Variants in CCDC180 observed in about 807,000 individuals in gnomAD.
CCDC180 encodes coiled-coil domain containing 180, also known as coiled-coil domain-containing protein 180.
Under a neutral mutation model 209.2 loss-of-function variants are expected in CCDC180, and 154 were observed. The ratio of observed to expected loss-of-function variants is 0.74; its 90% CI spans 0.65 to 0.84. The LOEUF is 0.84. CCDC180 is among the 40% of genes least tolerant of loss of function. CCDC180 has a pLI of 0.00. For synonymous variants in CCDC180, 778 were observed against 749.1 expected, an observed-to-expected ratio of 1.04 and a Z score of -0.63; for missense variants, 1,874 against 1,997.3, an observed-to-expected ratio of 0.94 and a Z score of 1.18.
At position 97,308,044 on chromosome 9, in the gene CCDC180, G is replaced by T. The variant is rs1413602408; in HGVS notation, c.-20G>T. 6.2e-7 allele frequency: 1 copy of T among 1,613,216 alleles called. No homozygotes were observed. Among genetic ancestry groups the T allele is most frequent in the Admixed American group, 1.7e-5 (1 of 59,778 alleles). On this transcript the variant is annotated 5_prime_UTR_variant, in exon 2 of 37. Transcript: ENST00000529487. ...CCTGGACGACGGCTTCCCGGCAGGG[G>T]CATCCAGCCAGCGGCCAAGATGTCG...
At chr9:97,357,594 A>G (rs911224907) in intron 24 of CCDC180, 33 bp from the exon 25 acceptor site, 7 of 1,431,396 alleles carry the variant, frequency 4.9e-6, no homozygotes, top group Non-Finnish European at 6.9e-6. Flanking sequence ...TATGTATTCT[A>G]GAAACAAAAT....
chr9:97,309,468 G>C lies in CCDC180; in HGVS notation c.124G>C (p.Val42Leu). The C allele has an allele frequency of 6.2e-7, 1 of 1,607,052 alleles. No homozygotes were observed. The highest frequency in any genetic ancestry group is 8.5e-7 in the Non-Finnish European group (1 of 1,176,876). ...ATRKRAAERS[V>L]TLKSGRIPMM... ...CAGGAAGCGGGCTGCAGAGCGTTCT[G>C]TGACCCTGAAGAGTGGCAGGATACC... is the stretch of plus-strand genomic sequence containing the variant. Residue 42 changes from valine to leucine, a missense_variant, in exon 3 of 37, where the codon GTG becomes CTG. Transcript: ENST00000529487.
At chr9:97,360,841 C>G (rs1350277191) in intron 26 of CCDC180, among the ~76,000 whole-genome samples, 5 of 152,200 alleles carry the variant, frequency 3.3e-5, no homozygotes, top group Admixed American at 2.6e-4. Context: ...CCACCCCTGC[C>G]CACACCTCAC....
chr9:97,347,626 A>G (rs1452013488), intron 20 of CCDC180, 137 bp downstream of exon 20: 1 of 834,850 alleles, frequency 1.2e-6, no homozygotes, highest in South Asian at 1.9e-5. Flanking sequence ...ACCATGGAAG[A>G]TGTACATGAG....
intron 18 of CCDC180, 103 bp downstream of exon 18, chr9:97,330,870 A>G (rs1825721453): frequency 9.2e-7 from 1 of 1,090,720 alleles, no homozygotes; most frequent in Non-Finnish European, 1.3e-6. Context: ...CCCAGTCTCC[A>G]TAGAGGTGCA....
chr9:97,376,870 C>T lies in CCDC180; in HGVS notation c.4950C>T (p.His1650=). ...RWKDSWKQSL[H]TIQGLYV is the part of the protein sequence containing the mutation. ...AGGACAGCTGGAAGCAGTCCCTGCA[C>T]ACTATCCAAGGCCTGTATGTGTGAC... is the stretch of plus-strand genomic sequence containing the variant. Residue 1650 remains histidine, a synonymous_variant, in exon 37 of 37, where the codon CAC becomes CAT. Coordinates refer to ENST00000529487, the MANE Select transcript of CCDC180 (RefSeq NM_020893.6). 6.2e-7 allele frequency: 1 copy of T among 1,612,694 alleles called. No homozygotes were observed. The highest frequency in any genetic ancestry group is 8.5e-7 in the Non-Finnish European group (1 of 1,179,906).
intron 32 of CCDC180, 67 bp from the exon 33 acceptor site, chr9:97,370,574 G>A: frequency 6.4e-7 from 1 of 1,560,642 alleles, no homozygotes; most frequent in Non-Finnish European, 8.7e-7. Context: ...ATAATTGACA[G>A]AAGACACAGG....
At chr9:97,362,486 C>T in intron 28 of CCDC180, 45 bp downstream of exon 28, 2 of 1,592,530 alleles carry the variant, frequency 1.3e-6, no homozygotes, top group African/African-American at 2.7e-5. Context: ...AGTCCATCCC[C>T]CCACACAAAG....
chr9:97,319,482 C>T (rs1380160878), intron 10 of CCDC180, among the ~76,000 whole-genome samples: 1 of 152,158 alleles, frequency 6.6e-6, no homozygotes, highest in Non-Finnish European at 1.5e-5. Flanking sequence ...CCTCTCCCTC[C>T]TTCCACCCTC....
At chr9:97,343,267 A>G (rs1826140706) in intron 18 of CCDC180, 73 bp from the exon 19 acceptor site, 1 of 1,027,000 alleles carries the variant, frequency 9.7e-7, no homozygotes, top group Non-Finnish European at 1.5e-6. Context: ...CTCTGATATC[A>G]AGGAACCTGT....
Position 97,362,254 on chromosome 9 carries a change from A to G in CCDC180, c.3715A>G (p.Arg1239Gly), listed in dbSNP as rs1468547406. The G allele has an allele frequency of 6.2e-7, 1 of 1,614,166 alleles. No homozygotes were observed. Among genetic ancestry groups the G allele is most frequent in the South Asian group, 1.1e-5 (1 of 91,080 alleles). The change falls in exon 28 of 37, where the codon AGA (arginine) becomes GGA (glycine). Residue 1239 changes from arginine (R) to glycine (G), a missense_variant. Coordinates refer to ENST00000529487, the MANE Select transcript of CCDC180 (RefSeq NM_020893.6). ...HCDKDPSQTGRGAWACGSRGS... is the reference protein window; with the variant it reads ...HCDKDPSQTGGGAWACGSRGS... ...TGACAAAGATCCGTCCCAGACAGGT[A>G]GAGGCGCATGGGCCTGTGGGTCTCG...
chr9:97,358,928 T>A (rs1158385314), intron 25 of CCDC180, among the ~76,000 whole-genome samples: 1 of 152,250 alleles, frequency 6.6e-6, no homozygotes, highest in Non-Finnish European at 1.5e-5. Flanking sequence ...CTTTTTCTTA[T>A]ATAGTTTATT....
At chr9:97,364,546 C>A (rs965695023) in intron 29 of CCDC180, 1 of 193,558 alleles carries the variant, frequency 5.2e-6, no homozygotes, top group Non-Finnish European at 1.0e-5. Flanking sequence ...AAAAAGCCTT[C>A]GGAGAAAGTC....
rs1587791196 is a variant in CCDC180 at position 97,322,923 on chromosome 9, T to C, written c.1248+2T>C. On this transcript the variant is annotated splice_donor_variant, in intron 12 of 36. Coordinates refer to ENST00000529487, the MANE Select transcript of CCDC180 (RefSeq NM_020893.6). LOFTEE classifies it high-confidence loss of function. ...CTGATGCATGTGCAGAATTGTAAGG[T>C]GGGCACCCTTCCTGCAGGCCTGAGA... 6.2e-7 allele frequency: 1 copy of C among 1,613,120 alleles called. No individual in the cohort carries two copies. The highest frequency in any genetic ancestry group is 1.3e-5 in the African/African-American group (1 of 74,892).
Position 97,308,119 on chromosome 9 carries a change from T to C in CCDC180, c.56T>C (p.Ile19Thr). 5.0e-6 allele frequency: 8 copies of C among 1,605,760 alleles called. No homozygotes were observed. The highest frequency in any genetic ancestry group is 6.8e-6 in the Non-Finnish European group (8 of 1,176,116). ...QVPNGKAYQQ[I>T]FQAEVQLVHS... ...CCGAATGGGAAAGCCTACCAGCAGATCTTCCAGGCTGAGGTAGGAGCCGCC... is the reference window on the plus strand; with the variant it reads ...CCGAATGGGAAAGCCTACCAGCAGACCTTCCAGGCTGAGGTAGGAGCCGCC... The change falls in exon 2 of 37, where the codon ATC (isoleucine) becomes ACC (threonine). Residue 19 changes from isoleucine to threonine, a missense_variant. Transcript: ENST00000529487.
At chr9:97,325,587 T>C (rs1833506141) in intron 14 of CCDC180, among the ~76,000 whole-genome samples, 1 of 152,178 alleles carries the variant, frequency 6.6e-6, no homozygotes, top group Non-Finnish European at 1.5e-5. Flanking sequence ...TGCAAAGCTA[T>C]TAAAGTCTAG....
rs1293340868 is a variant in CCDC180, at chr9:97,328,120, T to C, written c.1762T>C (p.Phe588Leu). ...CTACAGCTCTGCCCTCAGCCAATAC[T>C]TCTTTGTGCGTGAAATCTTTGAACA... is the stretch of plus-strand genomic sequence containing the variant. ...NSYSSALSQY[F>L]FVREIFEQNL... The change falls in exon 16 of 37, where the codon TTC (phenylalanine) becomes CTC (leucine). Residue 588 changes from phenylalanine (F) to leucine (L), a missense_variant. Physicochemically the swap from Phe to Leu is conservative, Grantham distance 22. Coordinates refer to ENST00000529487, the MANE Select transcript of CCDC180 (RefSeq NM_020893.6). The C allele has an allele frequency of 6.2e-7, 1 of 1,614,032 alleles. No homozygotes were observed. Among genetic ancestry groups the C allele is most frequent in the Admixed American group, 1.7e-5 (1 of 60,014 alleles).
chr9:97,323,001 C>A, intron 12 of CCDC180, 80 bp downstream of exon 12: 1 of 1,045,584 alleles, frequency 9.6e-7, no homozygotes. Context: ...ATACCCACTG[C>A]CTTCCCCTCC....
At chr9:97,336,643 C>G (rs1825911884) in intron 18 of CCDC180, among the ~76,000 whole-genome samples, 1 of 152,164 alleles carries the variant, frequency 6.6e-6, no homozygotes, top group African/African-American at 2.4e-5. Context: ...CTTGGCAATG[C>G]AGGCTCTTTT....
Sources: allele counts gnomAD v4.1 joint callset (sites outside exome capture counted in the v4.1 genomes callset), GRCh38; gene constraint gnomAD v4.1.1; transcripts MANE v1.5; gene names NCBI Gene and HGNC (gene_info 2026-07-23, HGNC 2026-07-21).